Variants in DDX20 observed in about 807,000 individuals in gnomAD.
DDX20 encodes the protein DEAD-box helicase 20, also known as probable ATP-dependent RNA helicase DDX20.
In DDX20, 61 loss-of-function variants were observed where a neutral mutation model predicts 76.4. The ratio of observed to expected loss-of-function variants is 0.80; its 90% CI spans 0.65 to 0.99. DDX20 has a LOEUF of 0.99. DDX20 is among the 50% of genes least tolerant of loss of function. DDX20 has a pLI of 0.00. For synonymous variants in DDX20, 357 were observed against 357.4 expected (o/e 1.00, Z 0.01); for missense variants, 976 against 996.8 (o/e 0.98, Z 0.28).
rs1389689505 is a variant in DDX20 at position 111,756,107 on chromosome 1, G to C, written c.183G>C (p.Pro61=). Residue 61 remains proline (P), a synonymous_variant, in exon 1 of 11, where the codon CCG becomes CCC. Coordinates refer to ENST00000369702, the MANE Select transcript of DDX20 (RefSeq NM_007204.5). ...CGGGGGATGTGCTGTTGGCGGAGCC[G>C]GCCGACTTCGAGTCACTGCTGCTTT... The part of the protein sequence containing the change: ...TRTGDVLLAE[P]ADFESLLLSR... 6.3e-7 allele frequency: 1 copy of C among 1,597,898 alleles called. No individual in the cohort carries two copies. Among genetic ancestry groups the C allele is most frequent in the Non-Finnish European group, 8.5e-7 (1 of 1,178,362 alleles).
chr1:111,761,613 T>G (rs1237627910), intron 7 of DDX20: 2 of 178,404 alleles, frequency 1.1e-5, no homozygotes, highest in African/African-American at 4.7e-5. Context: ...ATTTTTTCTT[T>G]AGAATTTTTT....
intron 10 of DDX20, 89 bp from the exon 11 acceptor site, chr1:111,765,648 G>C: frequency 2.7e-6 from 3 of 1,099,450 alleles, no homozygotes; most frequent in South Asian, 3.4e-5. Flanking sequence ...AAATGTATTT[G>C]ATCATAGAAA....
chr1:111,756,551 A>G (rs1430231726), intron 1 of DDX20, 95 bp from the exon 2 acceptor site: 1 of 1,043,388 alleles, frequency 9.6e-7, no homozygotes, highest in Non-Finnish European at 1.5e-6. Context: ...AACTAGGGGA[A>G]TCTCAGGAGA....
intron 1 of DDX20, 41 bp downstream of exon 1, chr1:111,756,266 G>GGGGT: frequency 2.4e-6 from 2 of 842,532 alleles, no homozygotes; most frequent in Non-Finnish European, 3.3e-6. Flanking sequence ...GGTGGGGTGG[G>GGGGT]AGAAGGGGGA....
chr1:111,757,046 G>T (rs1663573815), intron 2 of DDX20, among the ~76,000 whole-genome samples: 1 of 150,866 alleles, frequency 6.6e-6, no homozygotes, highest in Non-Finnish European at 1.5e-5. Context: ...GCTATTGTTG[G>T]TAACTGCAGA....
chr1:111,762,848 G>A, intron 9 of DDX20, 58 bp from the exon 10 acceptor site: 1 of 1,591,492 alleles, frequency 6.3e-7, no homozygotes, highest in Non-Finnish European at 8.6e-7. Flanking sequence ...TGACAGGTGG[G>A]CTTTGAATAT....
rs1571610404 is a variant in DDX20, at chr1:111,760,398, G to A, written c.566-76G>A. ...CAGCAGAACAACCTGTAAGTAATAAGTAGAGTAACAATATTGGCTGAGATT... is the reference window on the plus strand; with the variant it reads ...CAGCAGAACAACCTGTAAGTAATAAATAGAGTAACAATATTGGCTGAGATT... On this transcript the variant is annotated intron_variant, in intron 3 of 10. Transcript: ENST00000369702. 1.9e-5 allele frequency: 19 copies of A among 1,006,128 alleles called. No individual in the cohort carries two copies. The East Asian group carries it at 4.6e-4, about 24-fold the overall frequency. The allele number at this position is 1,006,128 out of a possible 1,614,324, so 62.3% of individuals were successfully genotyped here. A position where few individuals can be genotyped will look rare whatever the true frequency, so the allele number is the denominator to read the frequency against.
chr1:111,756,656 T>C lies in DDX20; in HGVS notation c.312T>C (p.Val104=). 3 of 1,614,088 alleles carry C rather than the reference T, an allele frequency of 1.9e-6. No homozygotes were observed. The highest frequency in any genetic ancestry group is 2.5e-6 in the Non-Finnish European group (3 of 1,179,942). ...TTTTTTCCTTCGCAGATTTAATTGTTCAAGCTAAATCTGGCACCGGGAAAA... is the reference window on the plus strand; with the variant it reads ...TTTTTTCCTTCGCAGATTTAATTGTCCAAGCTAAATCTGGCACCGGGAAAA... ...PLGRCGLDLI[V]QAKSGTGKTC... Residue 104 remains valine (V), a synonymous_variant, in exon 2 of 11, where the codon GTT becomes GTC. Transcript: ENST00000369702.
chr1:111,761,629 A>G (rs1184198786), intron 7 of DDX20: 1 of 162,856 alleles, frequency 6.1e-6, no homozygotes, highest in African/African-American at 2.4e-5. Flanking sequence ...TTTTTTTTTT[A>G]ATAATTGTTA....
At chr1:111,757,515 T>C (rs1663585931) in intron 2 of DDX20, among the ~76,000 whole-genome samples, 1 of 152,214 alleles carries the variant, frequency 6.6e-6, no homozygotes, top group Non-Finnish European at 1.5e-5. Flanking sequence ...GTATAAACAG[T>C]GTGCCAGGCA....
At position 111,761,285 on chromosome 1, in the gene DDX20, GT is replaced by G; in HGVS notation, c.1021+2del. 6.2e-7 allele frequency: 1 copy of G among 1,612,034 alleles called. No homozygotes were observed. Among genetic ancestry groups the G allele is most frequent in the Non-Finnish European group, 8.5e-7 (1 of 1,178,944 alleles). On this transcript the variant is annotated splice_donor_variant, in intron 7 of 10. Coordinates refer to ENST00000369702, the MANE Select transcript of DDX20 (RefSeq NM_007204.5). LOFTEE classifies it high-confidence loss of function. Reference sequence around the variant, plus strand: ...GGCTTTCCTGCTGAGTGCATTTCAGGTAAGTTCATCTCTTACTTTAATCTTT... The same window carrying G: ...GGCTTTCCTGCTGAGTGCATTTCAGGAAGTTCATCTCTTACTTTAATCTTT...
chr1:111,767,141 G>A lies in DDX20; in HGVS notation c.*242G>A, dbSNP rs12745851. On this transcript the variant is annotated 3_prime_UTR_variant, in exon 11 of 11. Coordinates refer to ENST00000369702, the MANE Select transcript of DDX20 (RefSeq NM_007204.5). ...CAGATTGTTGAAAGATAATTTTTGG[G>A]ACATAGAGCTGAAAGTTTCAGGGTG... 1.2e-3 allele frequency: 395 copies of A among 329,042 alleles called. 2 individuals carry two copies. Among genetic ancestry groups the A allele is most frequent in the Non-Finnish European group, 1.9e-3 (336 of 180,170 alleles). 20.4% of individuals were successfully genotyped at this position (329,042 alleles called of 1,614,324 possible).
At chr1:111,762,879 A>G (rs1458377335) in intron 9 of DDX20, 27 bp from the exon 10 acceptor site, 16 of 1,596,090 alleles carry the variant, frequency 1.0e-5, no homozygotes, top group Non-Finnish European at 1.3e-5. Flanking sequence ...AAAATGATTT[A>G]CTACCTAACA....
rs548717080 is a variant in DDX20 at position 111,756,015 on chromosome 1, G to A, written c.91G>A (p.Glu31Lys). The A allele has an allele frequency of 6.2e-7, 1 of 1,609,178 alleles. No homozygotes were observed. The highest frequency in any genetic ancestry group is 8.5e-7 in the Non-Finnish European group (1 of 1,177,906). Residue 31 changes from glutamate to lysine, a missense_variant, in exon 1 of 11, where the codon GAG becomes AAG. Glu to Lys is a moderately conservative substitution (Grantham distance 56). Around this residue, in one of 3 missense-constraint regions of DDX20, gnomAD observed 343 missense variants for 286.4 expected, o/e 1.20. Coordinates refer to ENST00000369702, the MANE Select transcript of DDX20 (RefSeq NM_007204.5). The part of the protein sequence containing the change: ...EHVAVQVPAP[E>K]PTPGPVRILR... ...TGTGGCCGTGCAGGTCCCGGCCCCA[G>A]AGCCAACACCCGGGCCTGTGAGGAT...
chr1:111,766,513 G>A lies in DDX20; in HGVS notation c.2089G>A (p.Glu697Lys). The change falls in exon 11 of 11, where the codon GAA becomes AAA. Residue 697 changes from glutamate (E) to lysine (K), a missense_variant. By Grantham distance (56) the Glu-to-Lys change is moderately conservative. Coordinates refer to ENST00000369702, the MANE Select transcript of DDX20 (RefSeq NM_007204.5). Reference protein sequence around the residue: ...STPVDDRISLEQPPNGSDTPN... With the variant: ...STPVDDRISLKQPPNGSDTPN... ...GCCTGTGGATGATCGTATTTCTTTG[G>A]AACAACCACCAAATGGAAGTGACAC... 3.7e-6 allele frequency: 6 copies of A among 1,614,078 alleles called. No homozygotes were observed. Among genetic ancestry groups the A allele is most frequent in the Non-Finnish European group, 5.1e-6 (6 of 1,179,994 alleles).
Position 111,766,835 on chromosome 1 carries a change from GTTGGATGGCAGC to G in DDX20, c.2414_2425del (p.Trp805_Ala808del), listed in dbSNP as rs755945681. The stretch of plus-strand genomic sequence containing the variant: ...TATTGGAATGCTCAGAGACATCCAA[GTTGGATGGCAGC>G]TTATCACATGAATACCATTTATCTA... On this transcript the variant is annotated inframe_deletion, in exon 11 of 11. Coordinates refer to ENST00000369702, the MANE Select transcript of DDX20 (RefSeq NM_007204.5). The G allele has an allele frequency of 3.7e-6, 6 of 1,613,916 alleles. No homozygotes were observed. In the African/African-American group the frequency reaches 8.0e-5, roughly 22 times the overall value.
rs545009114 is a variant in DDX20 at position 111,766,083 on chromosome 1, C to T, written c.1659C>T (p.Pro553=). The T allele has an allele frequency of 7.1e-5, 115 of 1,614,196 alleles. 2 individuals are homozygous for T. In the South Asian group the frequency reaches 1.0e-3, roughly 14 times the overall value. The stretch of plus-strand genomic sequence containing the variant: ...AAATGAAGAATTCTGTTCAGACTCC[C>T]GTTGAAAACTCCACCAACAGTCAGC... The part of the protein sequence containing the change: ...EEQMKNSVQT[P]VENSTNSQHQ... Residue 553 remains proline, a synonymous_variant, in exon 11 of 11, where the codon CCC becomes CCT. Transcript: ENST00000369702.
At chr1:111,756,320 A>T in intron 1 of DDX20, 95 bp downstream of exon 1, 1 of 1,303,632 alleles carries the variant, frequency 7.7e-7, no homozygotes, top group Non-Finnish European at 9.9e-7. Context: ...GCTCAGGAAG[A>T]GCCCTCGGTC....
Position 111,766,855 on chromosome 1 carries a change from A to G in DDX20, c.2431A>G (p.Met811Val). 6.2e-7 allele frequency: 1 copy of G among 1,613,372 alleles called. No homozygotes were observed. Among genetic ancestry groups the G allele is most frequent in the Admixed American group, 1.7e-5 (1 of 60,024 alleles). ...TCCAAGTTGGATGGCAGCTTATCAC[A>G]TGAATACCATTTATCTACAAGAAAT... Reference protein sequence around the residue: ...RHPSWMAAYHMNTIYLQEMMH... With the variant: ...RHPSWMAAYHVNTIYLQEMMH... Residue 811 changes from methionine (M) to valine (V), a missense_variant, in exon 11 of 11, where the codon ATG becomes GTG. Coordinates refer to ENST00000369702, the MANE Select transcript of DDX20 (RefSeq NM_007204.5).
Sources: allele counts gnomAD v4.1 joint callset (sites outside exome capture counted in the v4.1 genomes callset), GRCh38; gene constraint gnomAD v4.1.1; regional missense constraint gnomAD v4.1.1; transcripts MANE v1.5; gene names NCBI Gene and HGNC (gene_info 2026-07-23, HGNC 2026-07-21).